The following PAXIP1 variants were observed in gnomAD, a reference collection of about 807,000 sequenced individuals.
PAXIP1 encodes the protein PAX interacting protein 1.
In PAXIP1, 19 loss-of-function variants were observed where a neutral mutation model predicts 140.6. The ratio of observed to expected loss-of-function variants is 0.14; its 90% CI spans 0.09 to 0.20. PAXIP1 has a LOEUF of 0.20. Ranked by LOEUF, PAXIP1 falls within the 10% of genes least tolerant of loss-of-function variation. The probability of loss-of-function intolerance (pLI) is 1.00; values close to 1 mark genes in which losing one functional copy is unlikely to be tolerated. For missense variants in PAXIP1, 920 were observed against 1,208.6 expected, an observed-to-expected ratio of 0.76 and a Z score of 3.54; for synonymous variants, 442 against 444.6, an observed-to-expected ratio of 0.99 and a Z score of 0.07.
chr7:154,995,386 C>T (rs1810534977), intron 2 of PAXIP1, among the ~76,000 whole-genome samples: 1 of 152,170 alleles, frequency 6.6e-6, no homozygotes, highest in South Asian at 2.1e-4. Context: ...AGACTGCTGG[C>T]TATCATAAAG....
At position 154,960,952 on chromosome 7, in the gene PAXIP1, G is replaced by A. The variant is rs761362927; in HGVS notation, c.2375C>T (p.Thr792Met). The change falls in exon 12 of 21, where the codon ACG becomes ATG. Residue 792 changes from threonine to methionine, a missense_variant. Physicochemically the swap from Thr to Met is moderately conservative, Grantham distance 81 (BLOSUM62 -1). Coordinates refer to ENST00000404141, the MANE Select transcript of PAXIP1 (RefSeq NM_007349.4). Reference protein sequence around the residue: ...ALRQIQYSRYTAFSLQDPFAP... With the variant: ...ALRQIQYSRYMAFSLQDPFAP... ...AAATGGATCCTGCAGACTGAATGCC[G>A]TGTAGCGACTATACTGAATCTGCCT... The A allele has an allele frequency of 8.7e-6, 14 of 1,604,412 alleles. 1 individual carries two copies. The highest frequency in any genetic ancestry group is 1.0e-5 in the Non-Finnish European group (12 of 1,175,070).
At chr7:154,977,309 A>C (rs1181066399) in intron 5 of PAXIP1, among the ~76,000 whole-genome samples, 1 of 152,256 alleles carries the variant, frequency 6.6e-6, no homozygotes, top group African/African-American at 2.4e-5. Context: ...GTGCTCCTAA[A>C]AGCTTAACAC....
At chr7:154,959,708 G>A (rs1808675056) in intron 13 of PAXIP1, among the ~76,000 whole-genome samples, 182 bp downstream of exon 13, 1 of 152,136 alleles carries the variant, frequency 6.6e-6, no homozygotes. Flanking sequence ...GCTTCCAGTG[G>A]TTCTTAAAGT....
chr7:154,944,119 G>C lies in PAXIP1; in HGVS notation c.*30C>G. 6.2e-7 allele frequency: 1 copy of C among 1,611,610 alleles called. No individual in the cohort carries two copies. The highest frequency in any genetic ancestry group is 8.5e-7 in the Non-Finnish European group (1 of 1,178,618). On this transcript the variant is annotated 3_prime_UTR_variant, in exon 21 of 21. Transcript: ENST00000404141. ...CCAGACAGCCAGCCCCGCACCGCAG[G>C]AGTCGACATGCACGGCAGCCTAGAC... is the stretch of plus-strand genomic sequence containing the variant.
At chr7:154,979,256 G>A (rs1302476075) in intron 5 of PAXIP1, among the ~76,000 whole-genome samples, 1 of 151,976 alleles carries the variant, frequency 6.6e-6, no homozygotes, top group Non-Finnish European at 1.5e-5. Context: ...CGTTTCTGTT[G>A]GTTTTAAGTT....
At chr7:154,977,663 T>C (rs1019919527) in intron 5 of PAXIP1, among the ~76,000 whole-genome samples, 4 of 152,130 alleles carry the variant, frequency 2.6e-5, no homozygotes, top group African/African-American at 9.7e-5. Flanking sequence ...CAAAGGAAAA[T>C]GAATGTAATC....
In PAXIP1 at chr7:154,946,483, TACTC is replaced by T. The variant is rs748301397; in HGVS notation, c.3133+25_3133+28del. The stretch of plus-strand genomic sequence containing the variant: ...AGATCCACTGCTGTGCGTGCACACA[TACTC>T]ACACAGGTAAGCGGGGAAACGTACC... On this transcript the variant is annotated intron_variant, in intron 19 of 20. Coordinates refer to ENST00000404141, the MANE Select transcript of PAXIP1 (RefSeq NM_007349.4). The surrounding 1 kb of genome is among the most constrained non-coding windows in gnomAD (Gnocchi z 4.9). 1.5e-4 allele frequency: 239 copies of T among 1,611,538 alleles called. 1 individual carries two copies. Among genetic ancestry groups the T allele is most frequent in the East Asian group, 4.5e-5 (2 of 44,898 alleles).
chr7:154,948,768 T>A (rs1022124642), intron 16 of PAXIP1: 3 of 151,432 alleles, frequency 2.0e-5, no homozygotes, highest in African/African-American at 7.3e-5. Context: ...GTATATTATA[T>A]ATATATATGT....
At chr7:154,962,601 T>A in intron 9 of PAXIP1, 143 bp from the exon 10 acceptor site, 1 of 647,344 alleles carries the variant, frequency 1.5e-6, no homozygotes, top group Non-Finnish European at 2.5e-6. Flanking sequence ...TTGATTAAAG[T>A]AACGAATTAA....
intron 16 of PAXIP1, chr7:154,949,572 G>C (rs1179411877): frequency 3.3e-5 from 5 of 152,212 alleles, no homozygotes; most frequent in Non-Finnish European, 7.3e-5. Flanking sequence ...TGAAGAACTT[G>C]TGTGAGATCA....
rs1208618865 is a variant in PAXIP1 at position 154,973,463 on chromosome 7, T to A, written c.1074+2233A>T. ...ATGAATCACCTATTTGAAAATCTTC[T>A]ATTCTCCTCAAACCCGATGACCTTC... On this transcript the variant is annotated intron_variant, in intron 6 of 20. Coordinates refer to ENST00000404141, the MANE Select transcript of PAXIP1 (RefSeq NM_007349.4). This position sits in a 1 kb window ranked among gnomAD's most constrained non-coding sequence, Gnocchi z 4.0. Among the ~76,000 whole-genome samples the A allele has an allele frequency of 6.6e-6, 1 of 152,160 alleles. No homozygotes were observed. Among genetic ancestry groups the A allele is most frequent in the Non-Finnish European group, 1.5e-5 (1 of 68,038 alleles).
chr7:154,969,037 C>A lies in PAXIP1; in HGVS notation c.1164G>T (p.Leu388=), dbSNP rs1809172196. The part of the protein sequence containing the change: ...QQGHTNANAV[L]FSQVKVTPET... The stretch of plus-strand genomic sequence containing the variant: ...CTGGAGTCACTTTCACTTGGCTAAA[C>A]AGCACTGCATTGGCATTTGTATGTC... The change falls in exon 7 of 21, where the codon CTG becomes CTT. Residue 388 remains leucine, a synonymous_variant. Coordinates refer to ENST00000404141, the MANE Select transcript of PAXIP1 (RefSeq NM_007349.4). 1 of 1,547,982 alleles carries A rather than the reference C, an allele frequency of 6.5e-7. No homozygotes were observed. The highest frequency in any genetic ancestry group is 2.4e-5 in the East Asian group (1 of 40,924).
At chr7:154,977,432 G>A (rs1160865206) in intron 5 of PAXIP1, among the ~76,000 whole-genome samples, 4 of 152,150 alleles carry the variant, frequency 2.6e-5, no homozygotes, top group African/African-American at 7.2e-5. Context: ...AGAGTCACAC[G>A]CAATAGGGAT....
chr7:154,977,234 A>C (rs1809622279), intron 5 of PAXIP1, among the ~76,000 whole-genome samples: 1 of 152,244 alleles, frequency 6.6e-6, no homozygotes, highest in Non-Finnish European at 1.5e-5. Context: ...AATAAATAAA[A>C]AATGTTAAAT....
chr7:154,960,867 T>C, intron 12 of PAXIP1, 26 bp downstream of exon 12: 2 of 1,482,136 alleles, frequency 1.3e-6, no homozygotes, highest in Non-Finnish European at 1.8e-6. Flanking sequence ...TTAAGTAAGA[T>C]TTGCAGCATG....
At position 154,968,190 on chromosome 7, in the gene PAXIP1, C is replaced by G. The variant is rs369796677; in HGVS notation, c.1798+213G>C. The stretch of plus-strand genomic sequence containing the variant: ...GGCAGCCTAGATGTTCTACGGGACA[C>G]CAATATTCACTTCAGGATATGATGT... On this transcript the variant is annotated intron_variant, in intron 7 of 20. Coordinates refer to ENST00000404141, the MANE Select transcript of PAXIP1 (RefSeq NM_007349.4). 2.2e-4 allele frequency among the ~76,000 whole-genome samples: 33 copies of G among 152,234 alleles called. No individual in the cohort carries two copies. In the South Asian group the frequency reaches 5.8e-3, roughly 27 times the overall value.
Position 154,963,945 on chromosome 7 carries a change from G to C in PAXIP1, c.1894-179C>G, listed in dbSNP as rs1251618886. The C allele has an allele frequency of 1.9e-5, 11 of 571,310 alleles. No individual in the cohort carries two copies. The highest frequency in any genetic ancestry group is 4.7e-4 in the Middle Eastern group (1 of 2,114). The allele number at this position is 571,310 out of a possible 1,614,324, so 35.4% of individuals were successfully genotyped here. ...ACTTTTCTACCCAGCACCATACAAT[G>C]AAAATGAACTCCAATACTCTAAATT... On this transcript the variant is annotated intron_variant, in intron 8 of 20. Coordinates refer to ENST00000404141, the MANE Select transcript of PAXIP1 (RefSeq NM_007349.4). The surrounding 1 kb of genome is among the most constrained non-coding windows in gnomAD (Gnocchi z 4.1).
At chr7:154,958,827 A>G (rs1334875742) in intron 13 of PAXIP1, among the ~76,000 whole-genome samples, 1 of 152,240 alleles carries the variant, frequency 6.6e-6, no homozygotes, top group East Asian at 1.9e-4. Context: ...CCACTTTCCC[A>G]GTGTGAGCTT....
Position 154,963,647 on chromosome 7 carries a change from C to T in PAXIP1, c.1989+24G>A, listed in dbSNP as rs757221924. 3.3e-6 allele frequency: 5 copies of T among 1,521,340 alleles called. No individual in the cohort carries two copies. In the South Asian group the frequency reaches 3.4e-5, roughly 10 times the overall value. 94.2% of individuals were successfully genotyped at this position (1,521,340 alleles called of 1,614,324 possible). A position where few individuals can be genotyped will look rare whatever the true frequency, so the allele number is the denominator to read the frequency against. On this transcript the variant is annotated intron_variant, in intron 9 of 20. Transcript: ENST00000404141. This position sits in a 1 kb window ranked among gnomAD's most constrained non-coding sequence, Gnocchi z 4.1. ...AAAAATGCCAGACCTTGCTCCTGGT[C>T]GCAGCTAAGGCTATTTTCCTTACCT...
Sources: gnomAD v4.1 joint callset for allele counts (sites outside exome capture counted in the v4.1 genomes callset) on GRCh38, gnomAD v4.1.1 for gene constraint, Gnocchi (gnomAD v3.1) non-coding constraint, MANE v1.5 for transcripts, NCBI Gene and HGNC (gene_info 2026-07-23, HGNC 2026-07-21) for gene names.